ERCC4: variants seen among roughly 807,000 people sequenced by gnomAD.
ERCC4 encodes DNA repair endonuclease XPF.
Under a neutral mutation model 76.9 loss-of-function variants are expected in ERCC4, and 65 were observed. That is an observed-to-expected ratio of 0.84 (90% CI 0.69 to 1.04). ERCC4 has a LOEUF of 1.04. Among genes scored for constraint, ERCC4 ranks in the 50% least tolerant of loss-of-function variants. ERCC4 has a pLI of 0.00. For missense variants in ERCC4, 1,214 were observed against 1,128.2 expected (o/e 1.08, Z -1.09); for synonymous variants, 463 against 410.1 (o/e 1.13, Z -1.56).
rs1230692724 is a variant in ERCC4, at chr16:13,951,776, C to G, written c.*3429C>G. ...GGGAAAGAGGCATTACTGGTCTTTCCTTTTGTTTTGCAAGCATAATTTGAT... is the reference window on the plus strand; with the variant it reads ...GGGAAAGAGGCATTACTGGTCTTTCGTTTTGTTTTGCAAGCATAATTTGAT... On this transcript the variant is annotated 3_prime_UTR_variant, in exon 11 of 11. Transcript: ENST00000311895. The G allele has an allele frequency of 4.5e-6, 1 of 221,648 alleles. No homozygotes were observed. The highest frequency in any genetic ancestry group is 9.0e-6 in the Non-Finnish European group (1 of 110,878). The allele number at this position is 221,648 out of a possible 1,614,324, so 13.7% of individuals were successfully genotyped here. A position where few individuals can be genotyped will look rare whatever the true frequency, so the allele number is the denominator to read the frequency against.
At chr16:13,947,063 G>A (rs370955694) in intron 10 of ERCC4, among the ~76,000 whole-genome samples, 2 of 152,096 alleles carry the variant, frequency 1.3e-5, no homozygotes, top group Non-Finnish European at 1.5e-5. Flanking sequence ...CGCCCGGCCC[G>A]AATCTGCTTT....
At chr16:13,938,140 A>G (rs889923525) in intron 9 of ERCC4, among the ~76,000 whole-genome samples, 1 of 152,196 alleles carries the variant, frequency 6.6e-6, no homozygotes, top group African/African-American at 2.4e-5. Flanking sequence ...TTTGTGAAGC[A>G]GTATGATAAA....
At chr16:13,931,090 A>C in intron 5 of ERCC4, 200 bp downstream of exon 5, 1 of 585,412 alleles carries the variant, frequency 1.7e-6, no homozygotes, top group Non-Finnish European at 3.0e-6. Context: ...TGTTCTGTAT[A>C]ATAATAAATA....
At chr16:13,939,773 A>C (rs1330728434) in intron 9 of ERCC4, among the ~76,000 whole-genome samples, 1 of 152,192 alleles carries the variant, frequency 6.6e-6, no homozygotes, top group Non-Finnish European at 1.5e-5. Context: ...GTGGTAGCCA[A>C]GATTAGGTTA....
chr16:13,931,741 T>C (rs2032176064), intron 5 of ERCC4: 1 of 178,412 alleles, frequency 5.6e-6, no homozygotes, highest in African/African-American at 2.4e-5. Flanking sequence ...TTCCTATAAA[T>C]TATTACTTTC....
intron 4 of ERCC4, among the ~76,000 whole-genome samples, chr16:13,929,204 A>G (rs891027515): frequency 1.3e-5 from 2 of 152,328 alleles, no homozygotes; most frequent in African/African-American, 4.8e-5. Flanking sequence ...GGTTAGTAAC[A>G]GTCACTTCAT....
At position 13,922,056 on chromosome 16, in the gene ERCC4, T is replaced by C. The variant is rs1555467298; in HGVS notation, c.233T>C (p.Ile78Thr). Residue 78 changes from isoleucine to threonine, a missense_variant, in exon 2 of 11, where the codon ATA becomes ACA. Coordinates refer to ENST00000311895, the MANE Select transcript of ERCC4 (RefSeq NM_005236.3). ...EEEYFINQLK[I>T]EGVEHLPRRV... ...GAGTATTTTATCAATCAGCTGAAGA[T>C]AGAAGGAGTTGAACACCTCCCTCGC... 1.2e-5 allele frequency: 20 copies of C among 1,613,626 alleles called. No homozygotes were observed. Among genetic ancestry groups the C allele is most frequent in the South Asian group, 1.1e-4 (10 of 91,072 alleles).
chr16:13,928,039 C>T lies in ERCC4; in HGVS notation c.596C>T (p.Ala199Val). ...ATTTGTCTCTTTAGGTTCCATGTAG[C>T]AGTAAACTCATTTTTAGAACAGCAC... ...KLYLWPRFHV[A>V]VNSFLEQHKP... Residue 199 changes from alanine to valine, a missense_variant, in exon 4 of 11, where the codon GCA (alanine) becomes GTA (valine). Ala to Val is a moderately conservative substitution (Grantham distance 64). Transcript: ENST00000311895. 2 of 1,611,878 alleles carry T rather than the reference C, an allele frequency of 1.2e-6. No homozygotes were observed. Among genetic ancestry groups the T allele is most frequent in the African/African-American group, 2.7e-5 (2 of 74,972 alleles).
chr16:13,947,669 T>C lies in ERCC4; in HGVS notation c.2073T>C (p.Phe691=). The C allele has an allele frequency of 6.2e-7, 1 of 1,614,250 alleles. No homozygotes were observed. The highest frequency in any genetic ancestry group is 8.5e-7 in the Non-Finnish European group (1 of 1,180,046). ...QQSIVVDMRE[F]RSELPSLIHR... Reference sequence around the variant, plus strand: ...GCATAGTTGTGGATATGCGTGAATTTCGAAGTGAGCTTCCATCTCTGATCC... The same window carrying C: ...GCATAGTTGTGGATATGCGTGAATTCCGAAGTGAGCTTCCATCTCTGATCC... Residue 691 remains phenylalanine, a synonymous_variant, in exon 11 of 11, where the codon TTT becomes TTC. Transcript: ENST00000311895.
rs201639351 is a variant in ERCC4, at chr16:13,937,914, G to GA, written c.1904+56_1904+57insA. The stretch of plus-strand genomic sequence containing the variant: ...CAACTACATTGGAAACCTCTGGATG[G>GA]GGGAATATCAGATAGTCCTGCTCAG... On this transcript the variant is annotated intron_variant, in intron 9 of 10. Transcript: ENST00000311895. 4.3e-5 allele frequency: 46 copies of GA among 1,080,402 alleles called. No homozygotes were observed. The East Asian group carries it at 1.1e-3, about 26-fold the overall frequency. The allele number at this position is 1,080,402 out of a possible 1,614,324, so 66.9% of individuals were successfully genotyped here.
At position 13,930,925 on chromosome 16, in the gene ERCC4, C is replaced by G. The variant is rs563540990; in HGVS notation, c.973+35C>G. On this transcript the variant is annotated intron_variant, in intron 5 of 10. Transcript: ENST00000311895. Reference sequence around the variant, plus strand: ...TAAAATACTAATAATATTCTAAGAGCTGATTTGAATAAAGTGTTAGGTTTT... The same window carrying G: ...TAAAATACTAATAATATTCTAAGAGGTGATTTGAATAAAGTGTTAGGTTTT... 6.1e-5 allele frequency: 88 copies of G among 1,436,110 alleles called. No individual in the cohort carries two copies. In the East Asian group the frequency reaches 1.8e-3, roughly 30 times the overall value. 89.0% of individuals were successfully genotyped at this position (1,436,110 alleles called of 1,614,324 possible). A position where few individuals can be genotyped will look rare whatever the true frequency, so the allele number is the denominator to read the frequency against.
At chr16:13,940,630 A>G (rs2032395387) in intron 9 of ERCC4, among the ~76,000 whole-genome samples, 1 of 152,214 alleles carries the variant, frequency 6.6e-6, no homozygotes, top group African/African-American at 2.4e-5. Context: ...GAGTACCTCC[A>G]TGGCTGGCTA....
At chr16:13,946,699 C>T (rs181670132) in intron 10 of ERCC4, among the ~76,000 whole-genome samples, 2 of 152,290 alleles carry the variant, frequency 1.3e-5, no homozygotes, top group East Asian at 3.9e-4. Context: ...AATGCAGATT[C>T]TTAGACCCCT....
Position 13,928,018 on chromosome 16 carries a change from G to A in ERCC4, c.585-10G>A, listed in dbSNP as rs2032103018. 1 of 1,602,620 alleles carries A rather than the reference G, an allele frequency of 6.2e-7. No homozygotes were observed. Among genetic ancestry groups the A allele is most frequent in the African/African-American group, 1.3e-5 (1 of 74,764 alleles). On this transcript the variant is annotated splice_polypyrimidine_tract_variant and intron_variant, in intron 3 of 10. Coordinates refer to ENST00000311895, the MANE Select transcript of ERCC4 (RefSeq NM_005236.3). ...TCTAGAAAATTGTTGAAAAATATTT[G>A]TCTCTTTAGGTTCCATGTAGCAGTA...
intron 10 of ERCC4, among the ~76,000 whole-genome samples, chr16:13,945,166 G>C (rs543160632): frequency 8.1e-4 from 124 of 152,284 alleles, no homozygotes; most frequent in African/African-American, 2.9e-3. Flanking sequence ...TTGTTAAACG[G>C]TGATTAGGTT....
chr16:13,940,180 A>C (rs1247566309), intron 9 of ERCC4, among the ~76,000 whole-genome samples: 1 of 152,172 alleles, frequency 6.6e-6, no homozygotes, highest in Non-Finnish European at 1.5e-5. Context: ...TGAAGTCAGG[A>C]GTTCACGACC....
At chr16:13,946,917 C>T (rs952249679) in intron 10 of ERCC4, among the ~76,000 whole-genome samples, 4 of 152,150 alleles carry the variant, frequency 2.6e-5, no homozygotes, top group African/African-American at 7.2e-5. Context: ...CACGCCACCA[C>T]ACCCGGCTAA....
chr16:13,943,200 GGTTGAAGAATTGA>G (rs1290670834), intron 9 of ERCC4, among the ~76,000 whole-genome samples: 1 of 152,168 alleles, frequency 6.6e-6, no homozygotes, highest in African/African-American at 2.4e-5. Flanking sequence ...TATCCAGAGT[GGTTGAAGAATTGA>G]ACCCTCTGAT....
chr16:13,928,396 A>C (rs2141946486), intron 4 of ERCC4, among the ~76,000 whole-genome samples, 161 bp downstream of exon 4: 1 of 152,334 alleles, frequency 6.6e-6, no homozygotes, highest in Non-Finnish European at 1.5e-5. Context: ...GGAAAGTAAT[A>C]ATTTATAGTA....
Sources: allele counts gnomAD v4.1 joint callset (sites outside exome capture counted in the v4.1 genomes callset), GRCh38; gene constraint gnomAD v4.1.1; transcripts MANE v1.5; gene names NCBI Gene and HGNC (gene_info 2026-07-23, HGNC 2026-07-21).